The following ANAPC10 variants were observed in gnomAD, a reference collection of about 807,000 sequenced individuals.
ANAPC10 encodes anaphase-promoting complex subunit 10.
Under a neutral mutation model 22.0 loss-of-function variants are expected in ANAPC10, and 12 were observed. The observed-to-expected ratio is 0.55, with a 90% CI of 0.35 to 0.88. ANAPC10 has a LOEUF of 0.88. ANAPC10 is among the 40% of genes least tolerant of loss of function. The pLI is 0.01. For synonymous variants in ANAPC10, 65 were observed against 69.5 expected, an observed-to-expected ratio of 0.94 and a Z score of 0.32; for missense variants, 188 against 220.9, an observed-to-expected ratio of 0.85 and a Z score of 0.94.
intron 4 of ANAPC10, among the ~76,000 whole-genome samples, chr4:145,061,075 A>C (rs1387710356): frequency 4.6e-5 from 7 of 152,130 alleles, no homozygotes; most frequent in Non-Finnish European, 1.0e-4. Context: ...TAAGTTTTCC[A>C]GGAAAACAAC....
At chr4:145,097,173 G>C (rs1171613188) in intron 1 of ANAPC10, 9 of 275,604 alleles carry the variant, frequency 3.3e-5, no homozygotes, top group Non-Finnish European at 6.4e-5. Context: ...CTGCACTCCA[G>C]CCTGCGTAAC....
Position 145,081,721 on chromosome 4 carries a change from T to C in ANAPC10, c.145A>G (p.Asn49Asp). Residue 49 changes from asparagine to aspartate, a missense_variant, in exon 3 of 5, where the codon AAT becomes GAT. By Grantham distance (23) the Asn-to-Asp change is conservative (BLOSUM62 1). Coordinates refer to ENST00000507656, the MANE Select transcript of ANAPC10 (RefSeq NM_001256706.2). Reference protein sequence around the residue: ...GFGVDQLRDDNLETYWQSDGS... With the variant: ...GFGVDQLRDDDLETYWQSDGS... ...TCTGATTGCCAATAAGTTTCTAGAT[T>C]GTCATCTCGTAACTGATCCACTCCA... 6.2e-7 allele frequency: 1 copy of C among 1,612,972 alleles called. No individual in the cohort carries two copies.
At chr4:145,066,115 G>A (rs922662133) in intron 3 of ANAPC10, among the ~76,000 whole-genome samples, 5 of 152,100 alleles carry the variant, frequency 3.3e-5, no homozygotes, top group African/African-American at 7.2e-5. Context: ...AGTACTCTGT[G>A]TCAAAAGTCA....
At chr4:145,038,240 T>G (rs1376585940) in intron 4 of ANAPC10, among the ~76,000 whole-genome samples, 1 of 152,154 alleles carries the variant, frequency 6.6e-6, no homozygotes. Context: ...GGGCCGGGCA[T>G]GGTGGTTCAT....
intron 4 of ANAPC10, among the ~76,000 whole-genome samples, chr4:145,037,509 A>C (rs940233159): frequency 6.6e-6 from 1 of 152,206 alleles, no homozygotes; most frequent in Non-Finnish European, 1.5e-5. Context: ...ATCTAAGAAA[A>C]CAGGCTATTT....
At chr4:145,096,897 C>T (rs894774835) in intron 1 of ANAPC10, among the ~76,000 whole-genome samples, 1 of 151,988 alleles carries the variant, frequency 6.6e-6, no homozygotes, top group Non-Finnish European at 1.5e-5. Flanking sequence ...AACAGTCATA[C>T]CTGCCCTCTA....
rs1746939633 is a variant in ANAPC10 at position 145,086,633 on chromosome 4, C to T, written c.116-4883G>A. Among the ~76,000 whole-genome samples the T allele has an allele frequency of 2.6e-5, 4 of 152,084 alleles. No individual in the cohort carries two copies. The South Asian group carries it at 8.3e-4, about 32-fold the overall frequency. ...CTAAGGCAAGGTTTCTCAATCATGG[C>T]AGTACTGATATTTTGGACTGAATAA... On this transcript the variant is annotated intron_variant, in intron 2 of 4. Coordinates refer to ENST00000507656, the MANE Select transcript of ANAPC10 (RefSeq NM_001256706.2).
At position 145,093,775 on chromosome 4, in the gene ANAPC10, T is replaced by C. The variant is rs567592413; in HGVS notation, c.115+2210A>G. Reference sequence around the variant, plus strand: ...GATTTGAAGACAGGCCAATGAAAAATACCAGAATTGAAACACAACTCCAAA... The same window carrying C: ...GATTTGAAGACAGGCCAATGAAAAACACCAGAATTGAAACACAACTCCAAA... On this transcript the variant is annotated intron_variant, in intron 2 of 4. Coordinates refer to ENST00000507656, the MANE Select transcript of ANAPC10 (RefSeq NM_001256706.2). 7.3e-5 allele frequency among the ~76,000 whole-genome samples: 11 copies of C among 151,600 alleles called. No homozygotes were observed. In the South Asian group the frequency reaches 2.1e-3, roughly 29 times the overall value.
chr4:144,999,149 A>T (rs992284317), intron 4 of ANAPC10: 1 of 152,318 alleles, frequency 6.6e-6, no homozygotes, highest in Non-Finnish European at 1.5e-5. Flanking sequence ...AAACAAGTCT[A>T]GGACCAGATG....
chr4:145,078,156 T>G (rs988993445), intron 3 of ANAPC10, among the ~76,000 whole-genome samples: 1 of 152,158 alleles, frequency 6.6e-6, no homozygotes, highest in African/African-American at 2.4e-5. Context: ...CTAGATCTGA[T>G]GAACAACTTC....
chr4:145,095,215 G>A (rs145940572), intron 2 of ANAPC10, among the ~76,000 whole-genome samples: 78 of 152,238 alleles, frequency 5.1e-4, no homozygotes, highest in African/African-American at 1.8e-3. Context: ...TTTCATCTCC[G>A]CAGTTTCAGT....
chr4:145,015,468 C>T (rs561816963), intron 4 of ANAPC10, among the ~76,000 whole-genome samples: 20 of 151,988 alleles, frequency 1.3e-4, no homozygotes, highest in African/African-American at 4.3e-4. Context: ...TAAGAATAAT[C>T]GGTGTTCCTG....
At chr4:145,032,671 T>C (rs1003282828) in intron 4 of ANAPC10, among the ~76,000 whole-genome samples, 4 of 152,144 alleles carry the variant, frequency 2.6e-5, no homozygotes, top group African/African-American at 4.8e-5. Context: ...CTCAGCAACA[T>C]GGACTTCCAC....
At chr4:145,039,362 G>C (rs1739145166) in intron 4 of ANAPC10, among the ~76,000 whole-genome samples, 1 of 152,208 alleles carries the variant, frequency 6.6e-6, no homozygotes, top group Non-Finnish European at 1.5e-5. Flanking sequence ...TGGAAATGTG[G>C]AATTCTGAAA....
rs533577179 is a variant in ANAPC10 at position 145,090,448 on chromosome 4, C to T, written c.115+5537G>A. The stretch of plus-strand genomic sequence containing the variant: ...CCTTAGTGAAATCTTATTCTTGCTT[C>T]ATCATACAGAATAAGCATCATCTCC... On this transcript the variant is annotated intron_variant, in intron 2 of 4. Transcript: ENST00000507656. 6.6e-5 allele frequency among the ~76,000 whole-genome samples: 10 copies of T among 152,292 alleles called. No homozygotes were observed. The South Asian group carries it at 2.1e-3, about 32-fold the overall frequency.
At chr4:145,093,924 T>C (rs1190638779) in intron 2 of ANAPC10, among the ~76,000 whole-genome samples, 2 of 152,126 alleles carry the variant, frequency 1.3e-5, no homozygotes, top group Admixed American at 6.5e-5. Flanking sequence ...AAAGAAATAA[T>C]TGAAGAAATA....
At chr4:145,008,521 G>A (rs1332750312) in intron 4 of ANAPC10, among the ~76,000 whole-genome samples, 1 of 152,128 alleles carries the variant, frequency 6.6e-6, no homozygotes, top group Admixed American at 6.5e-5. Context: ...GGGATGCAAG[G>A]CTGGTTCAAC....
At chr4:145,024,409 G>T (rs1034000156) in intron 4 of ANAPC10, among the ~76,000 whole-genome samples, 1 of 152,118 alleles carries the variant, frequency 6.6e-6, no homozygotes, top group Admixed American at 6.6e-5. Context: ...GGCAGCTAAT[G>T]CCTTATGAAA....
intron 4 of ANAPC10, among the ~76,000 whole-genome samples, chr4:145,015,036 AC>A (rs1405621445): frequency 2.0e-5 from 3 of 151,732 alleles, no homozygotes; most frequent in Admixed American, 2.0e-4. Flanking sequence ...GCTCCTTAAC[AC>A]CCCCCAAAAA....
Sources: gnomAD v4.1 joint callset for allele counts (sites outside exome capture counted in the v4.1 genomes callset) on GRCh38, gnomAD v4.1.1 for gene constraint, MANE v1.5 for transcripts, NCBI Gene and HGNC (gene_info 2026-07-23, HGNC 2026-07-21) for gene names.